PDGFRB: variants seen among roughly 807,000 people sequenced by gnomAD.
PDGFRB encodes platelet-derived growth factor receptor beta.
PDGFRB carries 42 observed loss-of-function variants against 120.2 expected under a neutral mutation model. The ratio of observed to expected loss-of-function variants is 0.35; its 90% confidence interval spans 0.27 to 0.45. The LOEUF is 0.45. Ranked by LOEUF, PDGFRB falls within the 20% of genes least tolerant of loss-of-function variation. PDGFRB has a pLI of 1.00. For synonymous variants in PDGFRB, 586 were observed against 606.8 expected, an observed-to-expected ratio of 0.97 and a Z score of 0.50; for missense variants, 1,149 against 1,476.3, an observed-to-expected ratio of 0.78 and a Z score of 3.63.
intron 21 of PDGFRB, among the ~76,000 whole-genome samples, chr5:150,118,237 T>TG (rs1320971175): frequency 1.3e-4 from 20 of 152,018 alleles, no homozygotes; most frequent in African/African-American, 4.8e-4. Context: ...CGGGGGGCAG[T>TG]GGGGGTGAGA....
At chr5:150,150,594 G>A (rs1562031707) in intron 1 of PDGFRB, among the ~76,000 whole-genome samples, 1 of 147,802 alleles carries the variant, frequency 6.8e-6, no homozygotes, top group Non-Finnish European at 1.5e-5. Flanking sequence ...GCTACCCCAG[G>A]AAGCATCTGG....
chr5:150,124,177 G>T, intron 14 of PDGFRB, 73 bp downstream of exon 14: 3 of 862,096 alleles, frequency 3.5e-6, no homozygotes, highest in South Asian at 1.7e-5. Flanking sequence ...CAAGGCCTGA[G>T]GGGGGGGTAG....
intron 10 of PDGFRB, among the ~76,000 whole-genome samples, chr5:150,127,861 T>TAAAAAAAA (rs1760343804): frequency 1.1e-5 from 1 of 93,878 alleles, no homozygotes. Flanking sequence ...AAAAAAAAAC[T>TAAAAAAAA]TTGGATGCTT....
chr5:150,132,701 TGCAAAGAAAAATAACTTCAAGAA>T lies in PDGFRB; in HGVS notation c.1127+26_1127+48del, dbSNP rs1580807653. 8.3e-6 allele frequency: 13 copies of T among 1,558,084 alleles called. No individual in the cohort carries two copies. The East Asian group carries it at 3.0e-4, about 36-fold the overall frequency. ...TGAAAGCCGAGGGCTGCCTGGCGGC[TGCAAAGAAAAATAACTTCAAGAA>T]TGGGATGGGAGAGCGAGCTGCTCAC... On this transcript the variant is annotated intron_variant, in intron 7 of 22. Coordinates refer to ENST00000261799, the MANE Select transcript of PDGFRB (RefSeq NM_002609.4). The surrounding 1 kb of genome is among the most constrained non-coding windows in gnomAD (Gnocchi z 5.0).
At chr5:150,133,843 C>G (rs769728190) in intron 5 of PDGFRB, 38 bp downstream of exon 5, 6 of 1,613,568 alleles carry the variant, frequency 3.7e-6, no homozygotes, top group Non-Finnish European at 5.1e-6. Flanking sequence ...CCACCCGTTC[C>G]TGGCCCCTCC....
intron 10 of PDGFRB, 137 bp downstream of exon 10, chr5:150,129,620 G>C (rs1760395961): frequency 1.2e-5 from 8 of 665,338 alleles, no homozygotes; most frequent in Non-Finnish European, 2.1e-5. Flanking sequence ...GTACACAACA[G>C]GGTTTCACAA....
rs1448169327 is a variant in PDGFRB at position 150,115,391 on chromosome 5, A to T, written c.*372T>A. On this transcript the variant is annotated 3_prime_UTR_variant, in exon 23 of 23. Coordinates refer to ENST00000261799, the MANE Select transcript of PDGFRB (RefSeq NM_002609.4). ...AAAAAAGTTAATTTACCACCTCAGT[A>T]ACTCCAAGAATCTTCCCAGGGAGGG... 1 of 244,898 alleles carries T rather than the reference A, an allele frequency of 4.1e-6. No homozygotes were observed. The highest frequency in any genetic ancestry group is 7.9e-6 in the Non-Finnish European group (1 of 126,620). The allele number at this position is 244,898 out of a possible 1,614,324, so 15.2% of individuals were successfully genotyped here.
In PDGFRB at chr5:150,124,245, G is replaced by A. The variant is rs369842668; in HGVS notation, c.2023+5C>T. The stretch of plus-strand genomic sequence containing the variant: ...CTGAGGCCTCTGGGGCAGTGGGCTC[G>A]GTACCTCCTTTGGTGCAGGCCCCCA... On this transcript the variant is annotated splice_donor_5th_base_variant and intron_variant, in intron 14 of 22. Coordinates refer to ENST00000261799, the MANE Select transcript of PDGFRB (RefSeq NM_002609.4). 2.7e-5 allele frequency: 43 copies of A among 1,604,778 alleles called. No individual in the cohort carries two copies. The African/African-American group carries it at 3.7e-4, about 14-fold the overall frequency.
In PDGFRB at chr5:150,124,790, C is replaced by T. The variant is rs2113895927; in HGVS notation, c.1849G>A (p.Ala617Thr). 6.2e-7 allele frequency: 1 copy of T among 1,609,518 alleles called. No individual in the cohort carries two copies. Among genetic ancestry groups the T allele is most frequent in the Non-Finnish European group, 8.5e-7 (1 of 1,177,210 alleles). Residue 617 changes from alanine (A) to threonine (T), a missense_variant, in exon 13 of 23, where the codon GCC (alanine) becomes ACC (threonine). By Grantham distance (58) the Ala-to-Thr change is moderately conservative (BLOSUM62 0). Coordinates refer to ENST00000261799, the MANE Select transcript of PDGFRB (RefSeq NM_002609.4). ...GAATGGCTCAGGCCATGAGCCGTGG[C>T]CTCCACCACCTGCCCAAAGGCCCCA... ...GSGAFGQVVEATAHGLSHSQA... is the reference protein window; with the variant it reads ...GSGAFGQVVETTAHGLSHSQA...
chr5:150,124,893 G>GGGCCCCCCC, intron 12 of PDGFRB, 62 bp from the exon 13 acceptor site: 5 of 752,522 alleles, frequency 6.6e-6, no homozygotes, highest in African/African-American at 1.8e-5. Context: ...TCCCCCAGCT[G>GGGCCCCCCC]CCCCCCTCCC....
At chr5:150,119,912 T>C (rs1008309420) in intron 19 of PDGFRB, 100 bp downstream of exon 19, 1 of 742,084 alleles carries the variant, frequency 1.3e-6, no homozygotes, top group Non-Finnish European at 2.5e-6. Context: ...AGGATCCCTG[T>C]ATCAGGGCTC....
In PDGFRB at chr5:150,119,473, T is replaced by C; in HGVS notation, c.2792A>G (p.Asp931Gly). 6.3e-7 allele frequency: 1 copy of C among 1,579,368 alleles called. No individual in the cohort carries two copies. Among genetic ancestry groups the C allele is most frequent in the South Asian group, 1.1e-5 (1 of 90,388 alleles). The change falls in exon 20 of 23, where the codon GAC becomes GGC. Residue 931 changes from aspartate to glycine, a missense_variant. Physicochemically the swap from Asp to Gly is moderately conservative, Grantham distance 94. Coordinates refer to ENST00000261799, the MANE Select transcript of PDGFRB (RefSeq NM_002609.4). The stretch of plus-strand genomic sequence containing the variant: ...TGCATGAGACTCCACTCACATCTCG[T>C]CGGAGGCATGGGCAGGCTGGGCCAT... The part of the protein sequence containing the change: ...YRMAQPAHAS[D>G]EIYEIMQKCW...
At chr5:150,118,336 T>G (rs1760029895) in intron 21 of PDGFRB, among the ~76,000 whole-genome samples, 1 of 152,182 alleles carries the variant, frequency 6.6e-6, no homozygotes, top group Non-Finnish European at 1.5e-5. Flanking sequence ...GGGGCAGGGT[T>G]TCAGGGCCCT....
At chr5:150,135,966 A>G (rs1760619381) in intron 2 of PDGFRB, 88 bp from the exon 3 acceptor site, 5 of 832,400 alleles carry the variant, frequency 6.0e-6, no homozygotes, top group Non-Finnish European at 9.2e-6. Context: ...ACGTATGCAC[A>G]GCCCTCAGGT....
chr5:150,141,567 C>T (rs932171291), intron 1 of PDGFRB, among the ~76,000 whole-genome samples: 1 of 152,162 alleles, frequency 6.6e-6, no homozygotes, highest in Non-Finnish European at 1.5e-5. Context: ...ACCAGCTCCA[C>T]CGCTTCTCTG....
Position 150,117,527 on chromosome 5 carries a change from A to AGCGCGCGC in PDGFRB, c.3137+83_3137+90dup, listed in dbSNP as rs148754488. On this transcript the variant is annotated intron_variant, in intron 22 of 22. Transcript: ENST00000261799. ...AACTTACCTCTGAGGCAAACCTGGC[A>AGCGCGCGC]GCGCGCGCGCGCGCGCGCACACACA... 153 of 557,230 alleles carry AGCGCGCGC rather than the reference A, an allele frequency of 2.7e-4. No homozygotes were observed. In the African/African-American group the frequency reaches 3.0e-3, roughly 11 times the overall value. 34.5% of individuals were successfully genotyped at this position (557,230 alleles called of 1,614,324 possible).
rs571983343 is a variant in PDGFRB, at chr5:150,121,013, G to A, written c.2464-3C>T. 37 of 1,613,920 alleles carry A rather than the reference G, an allele frequency of 2.3e-5. No individual in the cohort carries two copies. In the Admixed American group the frequency reaches 2.8e-4, roughly 12 times the overall value. On this transcript the variant is annotated splice_region_variant and splice_polypyrimidine_tract_variant and intron_variant, in intron 17 of 22. Coordinates refer to ENST00000261799, the MANE Select transcript of PDGFRB (RefSeq NM_002609.4). The surrounding 1 kb of genome is among the most constrained non-coding windows in gnomAD (Gnocchi z 4.1). ...GCCGCCAGGTCTCTGTGGACGCACT[G>A]GGTTTGGGGAGAGGGGAGCTGAGGC...
At chr5:150,138,595 G>A (rs983830305) in intron 1 of PDGFRB, among the ~76,000 whole-genome samples, 10 of 152,032 alleles carry the variant, frequency 6.6e-5, no homozygotes, top group African/African-American at 2.2e-4. Flanking sequence ...AGGTCTCCTC[G>A]TTTCTTCCTC....
At chr5:150,119,734 C>A (rs1353251527) in intron 19 of PDGFRB, among the ~76,000 whole-genome samples, 168 bp from the exon 20 acceptor site, 1 of 152,226 alleles carries the variant, frequency 6.6e-6, no homozygotes, top group African/African-American at 2.4e-5. Context: ...ACAGAGACCA[C>A]AACCCTCCCC....
Sources: allele counts gnomAD v4.1 joint callset (sites outside exome capture counted in the v4.1 genomes callset), GRCh38; gene constraint gnomAD v4.1.1; non-coding constraint Gnocchi (gnomAD v3.1); transcripts MANE v1.5; gene names NCBI Gene and HGNC (gene_info 2026-07-23, HGNC 2026-07-21).